VAMP7: variants seen among roughly 807,000 people sequenced by gnomAD.
VAMP7 encodes vesicle associated membrane protein 7.
In VAMP7, 14 loss-of-function variants were observed where a neutral mutation model predicts 29.6. That is an observed-to-expected ratio of 0.47 (90% CI 0.31 to 0.74). The LOEUF is 0.74. VAMP7 is among the 30% of genes least tolerant of loss of function. VAMP7 has a pLI of 0.05. For synonymous variants in VAMP7, 95 were observed against 88.1 expected, an observed-to-expected ratio of 1.08 and a Z score of -0.44; for missense variants, 223 against 262.4, an observed-to-expected ratio of 0.85 and a Z score of 1.04.
At chrX:155,882,430 G>A (rs1371439131) in intron 1 of VAMP7, among the ~76,000 whole-genome samples, 3 of 152,178 alleles carry the variant, frequency 2.0e-5, no homozygotes, top group Admixed American at 2.0e-4. Context: ...AAAGTCAGAG[G>A]TCAGGGCATC....
intron 5 of VAMP7, 28 bp from the exon 6 acceptor site, chrX:155,919,785 A>T (rs1472425900): frequency 6.3e-7 from 1 of 1,590,410 alleles, no homozygotes; most frequent in Non-Finnish European, 8.6e-7. Context: ...GGAAAACTTG[A>T]CCTTTTCTAC....
intron 5 of VAMP7, among the ~76,000 whole-genome samples, chrX:155,904,376 A>C (rs114997284): frequency 5.9e-5 from 9 of 151,262 alleles, no homozygotes; most frequent in East Asian, 1.9e-4. Context: ...AAAATAAAAA[A>C]AGCAAATTTA....
At chrX:155,940,258 T>TG (rs2066724393) in intron 7 of VAMP7, among the ~76,000 whole-genome samples, 1 of 151,902 alleles carries the variant, frequency 6.6e-6, no homozygotes, top group Non-Finnish European at 1.5e-5. Context: ...TGCTAACAGG[T>TG]GGGGGGTGCT....
intron 5 of VAMP7, among the ~76,000 whole-genome samples, chrX:155,903,258 G>T (rs1448926795): frequency 3.9e-5 from 6 of 152,090 alleles, no homozygotes; most frequent in Non-Finnish European, 8.8e-5. Flanking sequence ...AACCGTAGAA[G>T]AAAACCTAGG....
At chrX:155,906,610 G>A (rs760152884) in intron 5 of VAMP7, among the ~76,000 whole-genome samples, 88 of 151,702 alleles carry the variant, frequency 5.8e-4, no homozygotes, top group Middle Eastern at 3.4e-3. Flanking sequence ...TTTCATTTTC[G>A]GATTGTTCAG....
intron 5 of VAMP7, among the ~76,000 whole-genome samples, chrX:155,910,380 A>C (rs1159432422): frequency 6.6e-6 from 1 of 152,204 alleles, no homozygotes; most frequent in East Asian, 1.9e-4. Flanking sequence ...GGTTGACTCC[A>C]TATCTTTGCT....
chrX:155,906,491 AT>A (rs1326116636), intron 5 of VAMP7, among the ~76,000 whole-genome samples: 1 of 152,068 alleles, frequency 6.6e-6, no homozygotes, highest in Non-Finnish European at 1.5e-5. Flanking sequence ...CTGCCTTACC[AT>A]TTTTTAACCA....
At chrX:155,896,092 G>C (rs1487356782) in intron 3 of VAMP7, among the ~76,000 whole-genome samples, 2 of 152,132 alleles carry the variant, frequency 1.3e-5, no homozygotes, top group Non-Finnish European at 2.9e-5. Context: ...CTGCTGATCT[G>C]TACCTATAGT....
intron 7 of VAMP7, 125 bp downstream of exon 7, chrX:155,939,918 A>G: frequency 5.0e-6 from 4 of 804,268 alleles, no homozygotes; most frequent in Non-Finnish European, 8.3e-6. Context: ...AGTGAAACAC[A>G]TGACCAGGCA....
chrX:155,918,357 A>G (rs1415738352), intron 5 of VAMP7, among the ~76,000 whole-genome samples: 1 of 151,968 alleles, frequency 6.6e-6, no homozygotes. Flanking sequence ...TGGGGTATGA[A>G]AAAAAAACTC....
At chrX:155,923,618 C>T (rs1264416468) in intron 6 of VAMP7, among the ~76,000 whole-genome samples, 1 of 151,052 alleles carries the variant, frequency 6.6e-6, no homozygotes, top group South Asian at 2.1e-4. Context: ...TTCTCTTTAT[C>T]ATTGGTTTTA....
intron 3 of VAMP7, among the ~76,000 whole-genome samples, chrX:155,896,994 TGTA>T (rs1171213153): frequency 2.0e-4 from 31 of 151,850 alleles, no homozygotes; most frequent in African/African-American, 7.0e-4. Context: ...AAAAACTTGA[TGTA>T]GTAATATATA....
At chrX:155,913,227 TTTTCTTG>T (rs1395858048) in intron 5 of VAMP7, among the ~76,000 whole-genome samples, 5 of 152,156 alleles carry the variant, frequency 3.3e-5, no homozygotes, top group Non-Finnish European at 5.9e-5. Context: ...GGGGTTGTTT[TTTTCTTG>T]TAAATTTGTT....
At position 155,939,702 on chromosome X, in the gene VAMP7, C is replaced by A; in HGVS notation, c.503C>A (p.Ser168Tyr). ...IDKTENLVDS[S>Y]VTFKTTSRNL... ...AAACAATTCTCGCCTCTTTTCTAGTCTGTCACCTTCAAAACTACCAGCAGA... is the reference window on the plus strand; with the variant it reads ...AAACAATTCTCGCCTCTTTTCTAGTATGTCACCTTCAAAACTACCAGCAGA... Residue 168 changes from serine to tyrosine, a missense_variant and splice_region_variant, in exon 7 of 8, where the codon TCT (serine) becomes TAT (tyrosine). By Grantham distance (144) the Ser-to-Tyr change is moderately radical. Coordinates refer to ENST00000286448, the MANE Select transcript of VAMP7 (RefSeq NM_005638.6). The A allele has an allele frequency of 6.2e-7, 1 of 1,613,378 alleles. No homozygotes were observed. Among genetic ancestry groups the A allele is most frequent in the Non-Finnish European group, 8.5e-7 (1 of 1,179,362 alleles).
At chrX:155,917,775 G>A (rs913750660) in intron 5 of VAMP7, among the ~76,000 whole-genome samples, 5 of 152,140 alleles carry the variant, frequency 3.3e-5, no homozygotes, top group Non-Finnish European at 5.9e-5. Flanking sequence ...CAGTCAGGAG[G>A]CATGGAGCTC....
chrX:155,913,285 T>A (rs1348455403), intron 5 of VAMP7, among the ~76,000 whole-genome samples: 3 of 152,174 alleles, frequency 2.0e-5, no homozygotes, highest in Non-Finnish European at 4.4e-5. Flanking sequence ...CTTTGTCAGA[T>A]GGATAGATTG....
intron 6 of VAMP7, among the ~76,000 whole-genome samples, chrX:155,934,716 G>A (rs1353314107): frequency 6.6e-6 from 1 of 152,084 alleles, no homozygotes; most frequent in East Asian, 1.9e-4. Flanking sequence ...GGTTGATACT[G>A]TTATGTGTGA....
chrX:155,923,026 C>T (rs1218554005), intron 6 of VAMP7, among the ~76,000 whole-genome samples: 1 of 151,912 alleles, frequency 6.6e-6, no homozygotes, highest in Non-Finnish European at 1.5e-5. Flanking sequence ...GATTTATAAT[C>T]TCCCTTAAAG....
chrX:155,891,340 T>A (rs2065923437), intron 2 of VAMP7, among the ~76,000 whole-genome samples: 1 of 152,154 alleles, frequency 6.6e-6, no homozygotes, highest in Non-Finnish European at 1.5e-5. Flanking sequence ...AGAATACGCC[T>A]CTTCTCTGAG....
Sources: allele counts gnomAD v4.1 joint callset (sites outside exome capture counted in the v4.1 genomes callset), GRCh38; gene constraint gnomAD v4.1.1; transcripts MANE v1.5; gene names NCBI Gene and HGNC (gene_info 2026-07-23, HGNC 2026-07-21).